The following ATG16L1 variants were observed in gnomAD, a reference collection of about 807,000 sequenced individuals.
The protein encoded by ATG16L1 is autophagy related 16 like 1.
In ATG16L1, 37 loss-of-function variants were observed where a neutral mutation model predicts 88.5. The ratio of observed to expected loss-of-function variants is 0.42; its 90% CI spans 0.32 to 0.55. ATG16L1 has a LOEUF of 0.55. ATG16L1 is among the 20% of genes least tolerant of loss of function. The pLI is 0.13. For missense variants in ATG16L1, 554 were observed against 752.8 expected (o/e 0.74, Z 3.09); for synonymous variants, 301 against 281.0 (o/e 1.07, Z -0.71).
chr2:233,253,074 A>AGT (rs890032836), intron 1 of ATG16L1, among the ~76,000 whole-genome samples: 1 of 152,088 alleles, frequency 6.6e-6, no homozygotes, highest in South Asian at 2.1e-4. Context: ...CACAAGTATC[A>AGT]GTGTGTGTGT....
chr2:233,274,458 G>T, intron 8 of ATG16L1: 1 of 489,686 alleles, frequency 2.0e-6, no homozygotes, highest in Non-Finnish European at 3.7e-6. Context: ...AGGTTAGTGT[G>T]CAGGAGAGTA....
At chr2:233,262,991 G>C (rs374688201) in intron 2 of ATG16L1, 139 bp from the exon 3 acceptor site, 1 of 724,984 alleles carries the variant, frequency 1.4e-6, no homozygotes, top group Admixed American at 2.3e-5. Flanking sequence ...AGCTGCTGGA[G>C]ACACCCGAAT....
Position 233,251,736 on chromosome 2 carries a change from T to C in ATG16L1, c.-92T>C. On this transcript the variant is annotated 5_prime_UTR_variant, in exon 1 of 18. Coordinates refer to ENST00000392017, the MANE Select transcript of ATG16L1 (RefSeq NM_030803.7). ...GAGGTGAGCTCCGGGATTGCCGGCA[T>C]TCCCGCTTCTGCTGGTTGCTTCATG... 8.4e-7 allele frequency: 1 copy of C among 1,191,316 alleles called. No individual in the cohort carries two copies. Among genetic ancestry groups the C allele is most frequent in the Non-Finnish European group, 1.2e-6 (1 of 829,342 alleles). 73.8% of individuals were successfully genotyped at this position (1,191,316 alleles called of 1,614,324 possible).
At chr2:233,284,224 C>G (rs1698924544) in intron 12 of ATG16L1, among the ~76,000 whole-genome samples, 1 of 151,680 alleles carries the variant, frequency 6.6e-6, no homozygotes, top group Admixed American at 6.6e-5. Context: ...TCTCGGCTCA[C>G]TGCAACCTCT....
At chr2:233,252,462 A>C (rs1696443538) in intron 1 of ATG16L1, among the ~76,000 whole-genome samples, 1 of 152,008 alleles carries the variant, frequency 6.6e-6, no homozygotes, top group South Asian at 2.1e-4. Flanking sequence ...GGCTCACTGC[A>C]GTCTCAAACT....
intron 5 of ATG16L1, among the ~76,000 whole-genome samples, chr2:233,269,349 T>C (rs1185310761): frequency 3.3e-5 from 5 of 152,146 alleles, no homozygotes; most frequent in African/African-American, 1.2e-4. Context: ...TCACTGTTAG[T>C]AATCAGGCTG....
At position 233,289,856 on chromosome 2, in the gene ATG16L1, C is replaced by T; in HGVS notation, c.1206C>T (p.His402=). Residue 402 remains histidine, a splice_region_variant and synonymous_variant, in exon 13 of 18, where the codon CAC becomes CAT. Coordinates refer to ENST00000392017, the MANE Select transcript of ATG16L1 (RefSeq NM_030803.7). ...CCTGGCTGTGTTCTCTCTCCTAGCA[C>T]ACACTCACGGGACACAGTGGGAAAG... ...IWTVDDYRLR[H]TLTGHSGKVL... 6.2e-7 allele frequency: 1 copy of T among 1,614,134 alleles called. No homozygotes were observed. Among genetic ancestry groups the T allele is most frequent in the East Asian group, 2.2e-5 (1 of 44,884 alleles).
intron 1 of ATG16L1, among the ~76,000 whole-genome samples, chr2:233,253,126 G>A (rs1402339204): frequency 6.6e-6 from 1 of 152,118 alleles, no homozygotes; most frequent in Non-Finnish European, 1.5e-5. Flanking sequence ...TGCATGCCAA[G>A]TTATCAGTGT....
rs1472401937 is a variant in ATG16L1, at chr2:233,272,231, G to A, written c.708-735G>A. On this transcript the variant is annotated intron_variant, in intron 6 of 17. Coordinates refer to ENST00000392017, the MANE Select transcript of ATG16L1 (RefSeq NM_030803.7). ...TAGGAAAGACGTGGCCCAGAAAAAT[G>A]AGGAAGGGGGATTCCAGAGGTACTT... Among the ~76,000 whole-genome samples the A allele has an allele frequency of 2.0e-5, 3 of 152,148 alleles. No homozygotes were observed. The East Asian group carries it at 5.8e-4, about 29-fold the overall frequency.
At chr2:233,253,350 T>TG (rs1696542426) in intron 1 of ATG16L1, among the ~76,000 whole-genome samples, 1 of 138,668 alleles carries the variant, frequency 7.2e-6, no homozygotes, top group African/African-American at 2.7e-5. Context: ...GTTTTTTTTT[T>TG]TTTTTTTTTT....
rs1210045400 is a variant in ATG16L1 at position 233,258,014 on chromosome 2, AAAATATC to A, written c.209+1820_209+1826del. The stretch of plus-strand genomic sequence containing the variant: ...GAGACTCCGTCTCAAAAAAAAAAAA[AAAATATC>A]TATATATCTATATATCTATATATCT... On this transcript the variant is annotated intron_variant, in intron 2 of 17. Coordinates refer to ENST00000392017, the MANE Select transcript of ATG16L1 (RefSeq NM_030803.7). Among the ~76,000 whole-genome samples the A allele has an allele frequency of 4.0e-3, 410 of 102,100 alleles. 3 individuals are homozygous for A. Among genetic ancestry groups the A allele is most frequent in the South Asian group, 8.2e-3 (25 of 3,060 alleles). The allele number at this position is 102,100 out of a possible 152,430, so 67.0% of individuals were successfully genotyped here.
intron 10 of ATG16L1, among the ~76,000 whole-genome samples, chr2:233,278,173 A>G (rs1698498281): frequency 6.6e-6 from 1 of 152,234 alleles, no homozygotes; most frequent in African/African-American, 2.4e-5. Flanking sequence ...TGTATTTAAC[A>G]GTGTATCAGA....
At chr2:233,275,672 C>A in intron 9 of ATG16L1, 1 of 504,412 alleles carries the variant, frequency 2.0e-6, no homozygotes, top group Admixed American at 2.0e-5. Flanking sequence ...CATCAACGCC[C>A]CTTCCCAGTC....
intron 10 of ATG16L1, among the ~76,000 whole-genome samples, chr2:233,279,094 A>G (rs546238634): frequency 3.0e-4 from 46 of 152,222 alleles, no homozygotes; most frequent in African/African-American, 8.9e-4. Flanking sequence ...GGGAAGATCA[A>G]TTGAGCCCAG....
At chr2:233,285,342 A>C (rs1699005291) in intron 12 of ATG16L1, among the ~76,000 whole-genome samples, 1 of 152,216 alleles carries the variant, frequency 6.6e-6, no homozygotes, top group African/African-American at 2.4e-5. Context: ...TTAATTGGTA[A>C]TAGAGGAGTC....
chr2:233,273,084 C>T (rs753691303), intron 7 of ATG16L1, 32 bp downstream of exon 7: 2 of 1,563,310 alleles, frequency 1.3e-6, no homozygotes, highest in Admixed American at 3.3e-5. Flanking sequence ...AGGGAAAAGA[C>T]AGCTTGAGGA....
At chr2:233,274,847 C>A in intron 9 of ATG16L1, 69 bp downstream of exon 9, 1 of 1,110,598 alleles carries the variant, frequency 9.0e-7, no homozygotes. Flanking sequence ...TTAAAGGGTC[C>A]TTTCTAGGCC....
chr2:233,269,538 G>A (rs190809945), intron 5 of ATG16L1, among the ~76,000 whole-genome samples: 3 of 152,294 alleles, frequency 2.0e-5, no homozygotes. Flanking sequence ...CTGTCCTCAA[G>A]ATTTATATCA....
chr2:233,289,913 G>A lies in ATG16L1; in HGVS notation c.1263G>A (p.Ala421=), dbSNP rs201466879. 5.8e-5 allele frequency: 94 copies of A among 1,614,200 alleles called. No homozygotes were observed. In the East Asian group the frequency reaches 1.4e-3, roughly 24 times the overall value. The change falls in exon 13 of 18, where the codon GCG becomes GCA. Residue 421 remains alanine (A), a synonymous_variant. Transcript: ENST00000392017. ...VLSAKFLLDN[A]RIVSGSHDRT... ...CTGCTAAGTTCCTGCTGGACAATGCGCGGATTGTCTCAGGAAGTCACGACC... is the reference window on the plus strand; with the variant it reads ...CTGCTAAGTTCCTGCTGGACAATGCACGGATTGTCTCAGGAAGTCACGACC...
Sources: gnomAD v4.1 joint callset for allele counts (sites outside exome capture counted in the v4.1 genomes callset) on GRCh38, gnomAD v4.1.1 for gene constraint, MANE v1.5 for transcripts, NCBI Gene and HGNC (gene_info 2026-07-23, HGNC 2026-07-21) for gene names.